Variants in EVC2 observed in about 807,000 individuals in gnomAD.
EVC2 encodes the protein limbin.
A neutral mutation model predicts 149.3 loss-of-function variants in EVC2; 148 were observed. That is an observed-to-expected ratio of 0.99 (90% CI 0.87 to 1.14). The LOEUF is 1.14. Among genes scored for constraint, EVC2 ranks in the 50% most tolerant of loss-of-function variants. EVC2 has a pLI of 0.00. For missense variants in EVC2, 1,854 were observed against 1,627.3 expected (o/e 1.14, Z -2.40); for synonymous variants, 776 against 649.9 (o/e 1.19, Z -2.95).
rs71171407 is a variant in EVC2, at chr4:5,625,307, TACACACACACACACACAC to T, written c.2046+424_2046+441del. 4.3e-5 allele frequency among the ~76,000 whole-genome samples: 6 copies of T among 139,882 alleles called. 1 individual carries two copies. The highest frequency in any genetic ancestry group is 2.2e-4 in the Admixed American group (3 of 13,854). 91.8% of individuals were successfully genotyped at this position (139,882 alleles called of 152,430 possible). On this transcript the variant is annotated intron_variant, in intron 13 of 21. Coordinates refer to ENST00000344408, the MANE Select transcript of EVC2 (RefSeq NM_147127.5). The surrounding 1 kb of genome is among the most constrained non-coding windows in gnomAD (Gnocchi z 4.0). ...CTTACTAGATATTTGACCTTGACCA[TACACACACACACACACAC>T]ACACACACACACACACACACACAAA...
At chr4:5,665,254 G>A (rs550111724) in intron 8 of EVC2, among the ~76,000 whole-genome samples, 7 of 152,158 alleles carry the variant, frequency 4.6e-5, no homozygotes, top group East Asian at 1.9e-4. Context: ...AAGTTGTAAC[G>A]TTCTGTGATT....
At chr4:5,681,357 T>C (rs1720333123) in intron 6 of EVC2, 44 bp from the exon 7 acceptor site, 4 of 1,603,738 alleles carry the variant, frequency 2.5e-6, no homozygotes, top group Non-Finnish European at 3.4e-6. Context: ...CAGTTTGGGG[T>C]CTGACACGTG....
chr4:5,706,379 T>TAGATAGAC (rs1560243446), intron 1 of EVC2, among the ~76,000 whole-genome samples: 8 of 58,952 alleles, frequency 1.4e-4, no homozygotes, highest in South Asian at 5.6e-4. Context: ...CATAGATAGA[T>TAGATAGAC]ACATAGATAG....
intron 10 of EVC2, 73 bp from the exon 11 acceptor site, chr4:5,632,105 G>A (rs536334875): frequency 2.5e-6 from 4 of 1,586,382 alleles, no homozygotes; most frequent in East Asian, 4.5e-5. Flanking sequence ...GCAATGCAAT[G>A]TGTACAGGCA....
At chr4:5,702,490 T>C (rs528844435) in intron 1 of EVC2, among the ~76,000 whole-genome samples, 1 of 152,284 alleles carries the variant, frequency 6.6e-6, no homozygotes, top group East Asian at 1.9e-4. Context: ...CTGCTAACCC[T>C]CCACTGCCTC....
At chr4:5,607,506 A>G (rs949912875) in intron 16 of EVC2, among the ~76,000 whole-genome samples, 1 of 152,134 alleles carries the variant, frequency 6.6e-6, no homozygotes, top group Middle Eastern at 3.2e-3. Context: ...TCTGTAGCTG[A>G]CTTTCCCATT....
intron 9 of EVC2, among the ~76,000 whole-genome samples, chr4:5,652,533 AAGGTGTC>A (rs1718217644): frequency 6.6e-6 from 1 of 152,174 alleles, no homozygotes; most frequent in African/African-American, 2.4e-5. Context: ...GGCCGAGACG[AAGGTGTC>A]AGCTCATGCA....
intron 9 of EVC2, among the ~76,000 whole-genome samples, chr4:5,651,573 G>A (rs1395976201): frequency 6.6e-6 from 1 of 152,180 alleles, no homozygotes; most frequent in Non-Finnish European, 1.5e-5. Flanking sequence ...ACTCTTATTT[G>A]GAAAGGCAAA....
Position 5,685,442 on chromosome 4 carries a change from G to C in EVC2, c.744C>G (p.Leu248=). The change falls in exon 6 of 22, where the codon CTC becomes CTG. Residue 248 remains leucine, a synonymous_variant. Transcript: ENST00000344408. ...DAFAVSYAAT[L]QAGDLGNGES... ...CCCCGTTCCCGAGGTCTCCAGCCTG[G>C]AGCGTGGCTGCGTAGCTGACAGCAA... The C allele has an allele frequency of 1.2e-6, 2 of 1,614,204 alleles. No individual in the cohort carries two copies. Among genetic ancestry groups the C allele is most frequent in the Non-Finnish European group, 1.7e-6 (2 of 1,180,038 alleles).
At chr4:5,543,181 G>C (rs927280448) in exon 22 of EVC2, 1 of 1,289,808 alleles carries the variant, frequency 7.8e-7, no homozygotes, top group Admixed American at 2.3e-5. Context: ...GTCCCTACCA[G>C]GTACTGCCAG....
Position 5,622,663 on chromosome 4 carries a change from T to C in EVC2, c.2375A>G (p.Glu792Gly). The C allele has an allele frequency of 6.2e-7, 1 of 1,613,912 alleles. No individual in the cohort carries two copies. Among genetic ancestry groups the C allele is most frequent in the Non-Finnish European group, 8.5e-7 (1 of 1,179,990 alleles). Residue 792 changes from glutamate to glycine, a missense_variant, in exon 14 of 22, where the codon GAG becomes GGG. Transcript: ENST00000344408. The surrounding 1 kb of genome is among the most constrained non-coding windows in gnomAD (Gnocchi z 5.8). ...CTGGTCCCTGTCCCTCTCCTCCCCC[T>C]CCAGCTGCTCGGCCCGTGCAGCCAT... ...KEMAARAEQL[E>G]GEERDRDQEG... is the part of the protein sequence containing the mutation.
Position 5,607,400 on chromosome 4 carries a change from T to C in EVC2, c.2829+8022A>G, listed in dbSNP as rs77866770. ...AATAGAAATTTATTCAGAAACTTGA[T>C]TAACTTATTCTAAAATATATATGCC... On this transcript the variant is annotated intron_variant, in intron 16 of 21. Transcript: ENST00000344408. 9.6e-3 allele frequency among the ~76,000 whole-genome samples: 1,459 copies of C among 152,342 alleles called. 19 individuals are homozygous for C. Among genetic ancestry groups the C allele is most frequent in the African/African-American group, 0.033 (1,369 of 41,576 alleles).
At chr4:5,692,982 GA>G (rs1721229112) in intron 3 of EVC2, among the ~76,000 whole-genome samples, 1 of 151,892 alleles carries the variant, frequency 6.6e-6, no homozygotes, top group African/African-American at 2.4e-5. Flanking sequence ...TGATTCAGTT[GA>G]GCTTCCATCC....
At chr4:5,547,209 C>A (rs144137685) in intron 21 of EVC2, among the ~76,000 whole-genome samples, 6 of 152,224 alleles carry the variant, frequency 3.9e-5, no homozygotes, top group African/African-American at 1.2e-4. Flanking sequence ...ACACTTTGGG[C>A]GGTGCTGACA....
intron 2 of EVC2, among the ~76,000 whole-genome samples, chr4:5,695,672 T>A (rs1721431262): frequency 6.6e-6 from 1 of 152,252 alleles, no homozygotes. Context: ...ATGTATCCAA[T>A]GCTTCAAGTC....
chr4:5,689,163 G>A lies in EVC2; in HGVS notation c.700C>T (p.Leu234=), dbSNP rs1720930346. ...EGFQAFSKKF[L]QVGDAFAVSY... ...CAGAACGCTTTGCTGTTACCTTGCA[G>A]AAACTTCTTGCTAAAAGCCTGGAAT... Residue 234 remains leucine, a synonymous_variant, in exon 5 of 22, where the codon CTG becomes TTG. Coordinates refer to ENST00000344408, the MANE Select transcript of EVC2 (RefSeq NM_147127.5). The A allele has an allele frequency of 1.9e-6, 3 of 1,614,004 alleles. No homozygotes were observed. The highest frequency in any genetic ancestry group is 3.3e-5 in the Admixed American group (2 of 60,008).
At chr4:5,669,498 G>A (rs917376968) in intron 7 of EVC2, among the ~76,000 whole-genome samples, 5 of 152,168 alleles carry the variant, frequency 3.3e-5, no homozygotes, top group African/African-American at 1.2e-4. Context: ...TTTCTAAAAT[G>A]TTTTTAGTCC....
the EVC2 span, among the ~76,000 whole-genome samples, chr4:5,534,818 G>GAAA: frequency 2.7e-4 from 18 of 66,818 alleles, no homozygotes; most frequent in Non-Finnish European, 2.8e-4. Context: ...CATCTGGTAG[G>GAAA]AAAAAAAAAA....
chr4:5,617,710 T>C (rs1485507645), intron 15 of EVC2, among the ~76,000 whole-genome samples: 1 of 152,184 alleles, frequency 6.6e-6, no homozygotes, highest in African/African-American at 2.4e-5. Flanking sequence ...GAGACCTCAA[T>C]GGCCTGCAAA....
Sources: allele counts gnomAD v4.1 joint callset (sites outside exome capture counted in the v4.1 genomes callset), GRCh38; gene constraint gnomAD v4.1.1; non-coding constraint Gnocchi (gnomAD v3.1); transcripts MANE v1.5; gene names NCBI Gene and HGNC (gene_info 2026-07-23, HGNC 2026-07-21).